The following PCBP3 variants were observed in gnomAD, a reference collection of about 807,000 sequenced individuals.
PCBP3 encodes the protein poly(rC) binding protein 3.
PCBP3 carries 25 observed loss-of-function variants against 52.7 expected under a neutral mutation model. That is an observed-to-expected ratio of 0.47 (90% CI 0.35 to 0.66). The LOEUF (loss-of-function observed/expected upper bound fraction) is 0.66. Ranked by LOEUF, PCBP3 falls within the 30% of genes least tolerant of loss-of-function variation. The pLI is 0.01. For missense variants in PCBP3, 391 were observed against 490.3 expected, an observed-to-expected ratio of 0.80 and a Z score of 1.91; for synonymous variants, 162 against 183.0, an observed-to-expected ratio of 0.89 and a Z score of 0.93.
rs1306536628 is a variant in PCBP3, at chr21:45,837,769, G to A, written c.-125-12192G>A. 6.6e-6 allele frequency among the ~76,000 whole-genome samples: 1 copy of A among 152,202 alleles called. No individual in the cohort carries two copies. Among genetic ancestry groups the A allele is most frequent in the Non-Finnish European group, 1.5e-5 (1 of 68,024 alleles). On this transcript the variant is annotated intron_variant, in intron 4 of 17. Coordinates refer to ENST00000681687, the MANE Select transcript of PCBP3 (RefSeq NM_001384156.1). The surrounding 1 kb of genome is among the most constrained non-coding windows in gnomAD (Gnocchi z 4.1). ...CACCGCATGGCATGATGAGGCGTGT[G>A]GTCTGGCCGCTCCTTCACTGGTGCT...
At chr21:45,874,711 GGC>G (rs1461916960) in intron 5 of PCBP3, among the ~76,000 whole-genome samples, 1 of 152,046 alleles carries the variant, frequency 6.6e-6, no homozygotes, top group Non-Finnish European at 1.5e-5. Context: ...TTGCCATGTT[GGC>G]CAGGCTGGTC....
chr21:45,823,037 C>A (rs577774479), intron 4 of PCBP3, among the ~76,000 whole-genome samples: 1 of 152,164 alleles, frequency 6.6e-6, no homozygotes, highest in Non-Finnish European at 1.5e-5. Flanking sequence ...TATAGGACAT[C>A]GGTCTGTGCA....
chr21:45,874,257 C>T (rs1021858005), intron 5 of PCBP3, among the ~76,000 whole-genome samples: 1 of 152,216 alleles, frequency 6.6e-6, no homozygotes, highest in Non-Finnish European at 1.5e-5. Context: ...TTAATTTTTC[C>T]TGTACATTTT....
chr21:45,707,856 C>A (rs554764087), intron 2 of PCBP3, among the ~76,000 whole-genome samples: 1 of 152,188 alleles, frequency 6.6e-6, no homozygotes, highest in Non-Finnish European at 1.5e-5. Context: ...CAAGACCCCA[C>A]GCTGAAGCAT....
intron 2 of PCBP3, among the ~76,000 whole-genome samples, chr21:45,679,446 G>A (rs963093712): frequency 6.6e-6 from 1 of 152,066 alleles, no homozygotes; most frequent in Non-Finnish European, 1.5e-5. Flanking sequence ...TAAAATTAAG[G>A]TATGTACATT....
chr21:45,684,613 G>T (rs1222935838), intron 2 of PCBP3, among the ~76,000 whole-genome samples: 1 of 152,076 alleles, frequency 6.6e-6, no homozygotes, highest in Non-Finnish European at 1.5e-5. Context: ...CTTTCTTTCT[G>T]TTTATGTGAC....
At chr21:45,835,777 GCCAGGGACAGGCAGACCCTGGGC>G (rs1357304394) in intron 4 of PCBP3, among the ~76,000 whole-genome samples, 1 of 152,018 alleles carries the variant, frequency 6.6e-6, no homozygotes, top group Non-Finnish European at 1.5e-5. Flanking sequence ...GCCAGCTTGG[GCCAGGGACAGGCAGACCCTGGGC>G]CCAGGGTCTT....
intron 4 of PCBP3, among the ~76,000 whole-genome samples, chr21:45,771,597 A>G (rs1412595021): frequency 6.6e-6 from 1 of 152,240 alleles, no homozygotes; most frequent in East Asian, 1.9e-4. Context: ...AGAAACTGAC[A>G]ATAGAAGGAA....
chr21:45,768,758 C>T (rs1288766656), intron 4 of PCBP3, among the ~76,000 whole-genome samples: 1 of 152,224 alleles, frequency 6.6e-6, no homozygotes, highest in Non-Finnish European at 1.5e-5. Context: ...ATGGTGGCAG[C>T]AGGCTTTCCC....
chr21:45,722,952 T>C (rs1350407559), intron 2 of PCBP3, among the ~76,000 whole-genome samples: 4 of 151,414 alleles, frequency 2.6e-5, no homozygotes, highest in Non-Finnish European at 4.4e-5. Flanking sequence ...AGGTGGAGGT[T>C]GCAGTGAGCT....
At chr21:45,669,212 G>T (rs1302119714) in intron 2 of PCBP3, among the ~76,000 whole-genome samples, 2 of 151,416 alleles carry the variant, frequency 1.3e-5, no homozygotes, top group African/African-American at 4.9e-5. Flanking sequence ...TCTGGATTTT[G>T]GCCACTCCAC....
intron 4 of PCBP3, among the ~76,000 whole-genome samples, chr21:45,826,686 G>T (rs1266552019): frequency 2.0e-5 from 3 of 152,226 alleles, no homozygotes; most frequent in Non-Finnish European, 2.9e-5. Context: ...GGACGACATG[G>T]TGGTGAGTTC....
chr21:45,811,186 C>A (rs1484328797), intron 4 of PCBP3, among the ~76,000 whole-genome samples: 1 of 152,224 alleles, frequency 6.6e-6, no homozygotes, highest in Non-Finnish European at 1.5e-5. Context: ...CATGTGGCCA[C>A]CTTCCAACAT....
chr21:45,900,341 G>A (rs894937809), intron 7 of PCBP3, among the ~76,000 whole-genome samples: 23 of 152,212 alleles, frequency 1.5e-4, no homozygotes, highest in Admixed American at 5.2e-4. Context: ...CGCCACCCTT[G>A]CCAGCTGTGT....
At chr21:45,732,381 T>C (rs2085520704) in intron 2 of PCBP3, among the ~76,000 whole-genome samples, 1 of 152,098 alleles carries the variant, frequency 6.6e-6, no homozygotes, top group South Asian at 2.1e-4. Flanking sequence ...CAAATTAACA[T>C]ACCCATCATC....
chr21:45,676,896 C>T (rs986138606), intron 2 of PCBP3, among the ~76,000 whole-genome samples: 23 of 152,048 alleles, frequency 1.5e-4, no homozygotes, highest in Admixed American at 6.6e-4. Context: ...CTCAGCCTCC[C>T]GAGTAGCTGG....
chr21:45,797,715 G>A (rs1461193561), intron 4 of PCBP3, among the ~76,000 whole-genome samples: 10 of 150,398 alleles, frequency 6.6e-5, no homozygotes, highest in East Asian at 2.0e-4. Flanking sequence ...CACAGAGAGT[G>A]AATGCATGGA....
chr21:45,874,111 A>G (rs1002765395), intron 5 of PCBP3, among the ~76,000 whole-genome samples: 12 of 152,154 alleles, frequency 7.9e-5, no homozygotes, highest in Non-Finnish European at 1.8e-4. Flanking sequence ...CACAGGCGTG[A>G]GCCACCGCGC....
chr21:45,874,505 C>CTT (rs551716964), intron 5 of PCBP3, among the ~76,000 whole-genome samples: 40 of 133,988 alleles, frequency 3.0e-4, no homozygotes, highest in African/African-American at 5.5e-4. Context: ...TTCTTCTTTT[C>CTT]TTTTTTTTTT....
Sources: gnomAD v4.1 joint callset for allele counts (sites outside exome capture counted in the v4.1 genomes callset) on GRCh38, gnomAD v4.1.1 for gene constraint, Gnocchi (gnomAD v3.1) non-coding constraint, MANE v1.5 for transcripts, NCBI Gene and HGNC (gene_info 2026-07-23, HGNC 2026-07-21) for gene names.